Variants in CTNNA2 observed in about 807,000 individuals in gnomAD.
CTNNA2 encodes catenin alpha 2, also known as catenin alpha-2.
In CTNNA2, 42 loss-of-function variants were observed where a neutral mutation model predicts 101.0. The ratio of observed to expected loss-of-function variants is 0.42; its 90% CI spans 0.32 to 0.54. The LOEUF (loss-of-function observed/expected upper bound fraction) is 0.54. Among genes scored for constraint, CTNNA2 ranks in the 20% least tolerant of loss-of-function variants. The probability of loss-of-function intolerance (pLI) is 0.14; values close to 1 mark genes in which losing one functional copy is unlikely to be tolerated. For missense variants in CTNNA2, 871 were observed against 1,223.1 expected, an observed-to-expected ratio of 0.71 and a Z score of 4.29; for synonymous variants, 450 against 456.4, an observed-to-expected ratio of 0.99 and a Z score of 0.18.
At chr2:79,593,028 C>T (rs1676961105) in intron 1 of CTNNA2, among the ~76,000 whole-genome samples, 1 of 152,190 alleles carries the variant, frequency 6.6e-6, no homozygotes, top group African/African-American at 2.4e-5. Context: ...AGGAGATTAT[C>T]GTCCATCTGT....
At chr2:80,012,671 G>T (rs1045056582) in intron 7 of CTNNA2, among the ~76,000 whole-genome samples, 4 of 152,132 alleles carry the variant, frequency 2.6e-5, no homozygotes, top group African/African-American at 7.2e-5. Context: ...CAAATGGCAG[G>T]CTGGATTTGG....
At chr2:79,818,457 C>T (rs539628100) in intron 3 of CTNNA2, among the ~76,000 whole-genome samples, 264 of 151,684 alleles carry the variant, frequency 1.7e-3, no homozygotes, top group Middle Eastern at 0.01. Flanking sequence ...GGATTACAGG[C>T]GCCCGCCACC....
intron 7 of CTNNA2, among the ~76,000 whole-genome samples, chr2:80,281,784 A>G (rs1674404196): frequency 6.6e-6 from 1 of 152,222 alleles, no homozygotes; most frequent in East Asian, 1.9e-4. Context: ...TAATAAGTGA[A>G]TACAAAATTA....
chr2:80,176,245 T>G (rs1363880833), intron 7 of CTNNA2, among the ~76,000 whole-genome samples: 2 of 152,218 alleles, frequency 1.3e-5, no homozygotes, highest in Non-Finnish European at 2.9e-5. Context: ...TAGCTATCCT[T>G]TGTACTACCA....
At chr2:79,231,273 T>C (rs1382557637) in intron 2 of CTNNA2, among the ~76,000 whole-genome samples, 1 of 152,186 alleles carries the variant, frequency 6.6e-6, no homozygotes, top group Admixed American at 6.5e-5. Flanking sequence ...AACTGAATCA[T>C]GGAGGCGGGT....
intron 2 of CTNNA2, among the ~76,000 whole-genome samples, chr2:79,727,914 T>C (rs982676728): frequency 8.6e-5 from 13 of 151,968 alleles, no homozygotes; most frequent in African/African-American, 2.9e-4. Context: ...AACTCATCAT[T>C]TTTTATGGCT....
chr2:79,997,095 A>G (rs1256055846), intron 7 of CTNNA2, among the ~76,000 whole-genome samples: 1 of 152,094 alleles, frequency 6.6e-6, no homozygotes, highest in Non-Finnish European at 1.5e-5. Flanking sequence ...ATTGGTCAAC[A>G]ACTCTTCCTT....
At chr2:80,011,817 C>T (rs1693805790) in intron 7 of CTNNA2, among the ~76,000 whole-genome samples, 3 of 152,064 alleles carry the variant, frequency 2.0e-5, no homozygotes, top group African/African-American at 7.2e-5. Context: ...TTTGTGATAA[C>T]ATGTTTTTTT....
chr2:79,434,826 A>G (rs529357718), intron 4 of CTNNA2, among the ~76,000 whole-genome samples: 115 of 152,288 alleles, frequency 7.6e-4, no homozygotes, highest in African/African-American at 2.6e-3. Flanking sequence ...TCTCTCCTGC[A>G]TGGTGGCAAG....
chr2:80,175,237 G>T (rs1457232025), intron 7 of CTNNA2, among the ~76,000 whole-genome samples: 1 of 152,094 alleles, frequency 6.6e-6, no homozygotes, highest in Non-Finnish European at 1.5e-5. Context: ...ACTCTATCCA[G>T]CTCAAATGCC....
At chr2:79,319,561 T>A (rs1350195922) in intron 3 of CTNNA2, among the ~76,000 whole-genome samples, 4 of 149,388 alleles carry the variant, frequency 2.7e-5, no homozygotes, top group Admixed American at 6.7e-5. Flanking sequence ...GTAATTTATT[T>A]AAAAAAAAAA....
At chr2:79,351,001 G>T (rs1677374562) in intron 3 of CTNNA2, among the ~76,000 whole-genome samples, 1 of 152,082 alleles carries the variant, frequency 6.6e-6, no homozygotes, top group Non-Finnish European at 1.5e-5. Context: ...TTGTTTTCTT[G>T]TTGACTTGTT....
intron 7 of CTNNA2, among the ~76,000 whole-genome samples, chr2:79,955,135 A>T (rs1689137548): frequency 6.6e-6 from 1 of 152,218 alleles, no homozygotes. Context: ...TTATGGCAGA[A>T]TCTGAAAGTA....
chr2:79,463,017 C>A (rs1670895788), intron 4 of CTNNA2, among the ~76,000 whole-genome samples: 1 of 152,178 alleles, frequency 6.6e-6, no homozygotes. Flanking sequence ...TCAATGCTTA[C>A]CAGCCCTTGC....
At chr2:80,395,280 T>C (rs1306203012) in intron 8 of CTNNA2, among the ~76,000 whole-genome samples, 1 of 152,154 alleles carries the variant, frequency 6.6e-6, no homozygotes, top group Non-Finnish European at 1.5e-5. Flanking sequence ...CTTACCTTTC[T>C]CCAAAATATA....
At chr2:80,081,731 ATCTCTC>A (rs141997672) in intron 7 of CTNNA2, among the ~76,000 whole-genome samples, 1 of 144,014 alleles carries the variant, frequency 6.9e-6, no homozygotes, top group African/African-American at 2.6e-5. Flanking sequence ...CGCTAAGACA[ATCTCTC>A]TCTCTCTCTC....
At chr2:79,666,449 AT>A (rs1682423827) in intron 2 of CTNNA2, among the ~76,000 whole-genome samples, 2 of 152,132 alleles carry the variant, frequency 1.3e-5, no homozygotes, top group East Asian at 3.9e-4. Context: ...TCTTTTTAGT[AT>A]TTTCATGTGC....
intron 7 of CTNNA2, among the ~76,000 whole-genome samples, chr2:80,012,398 G>T (rs573154363): frequency 1.3e-3 from 193 of 152,156 alleles, no homozygotes; most frequent in Non-Finnish European, 2.6e-3. Context: ...AAGCTGTCTT[G>T]TTGCCTCTTG....
intron 7 of CTNNA2, among the ~76,000 whole-genome samples, chr2:80,079,887 A>AAATAAAATAAAAT (rs1558788215): frequency 1.2e-4 from 17 of 137,000 alleles, no homozygotes; most frequent in African/African-American, 3.1e-4. Context: ...TAAAATAATA[A>AAATAAAATAAAAT]AATAAAATAA....
Sources: allele counts gnomAD v4.1 joint callset (sites outside exome capture counted in the v4.1 genomes callset), GRCh38; gene constraint gnomAD v4.1.1; transcripts MANE v1.5; gene names NCBI Gene and HGNC (gene_info 2026-07-23, HGNC 2026-07-21).